The following CYSLTR1 variants were observed in gnomAD, a reference collection of about 807,000 sequenced individuals.
CYSLTR1 encodes the protein G-protein coupled receptor HG55.
A neutral mutation model predicts 2.1 loss-of-function variants in CYSLTR1; 1 was observed. The ratio of observed to expected loss-of-function variants is 0.48; its 90% CI spans 0.17 to 2.28. CYSLTR1 has a LOEUF of 2.28. Ranked by LOEUF, CYSLTR1 falls within the 30% of genes most tolerant of loss-of-function variation. The pLI is 0.26. For synonymous variants in CYSLTR1, 110 were observed against 89.6 expected, an observed-to-expected ratio of 1.23 and a Z score of -1.28; for missense variants, 299 against 250.1, an observed-to-expected ratio of 1.20 and a Z score of -1.32.
At chrX:78,274,900 C>A (rs1921506951) in intron 2 of CYSLTR1, among the ~76,000 whole-genome samples, 1 of 111,572 alleles carries the variant, frequency 9.0e-6, no homozygotes, top group African/African-American at 3.3e-5. Context: ...CAAACAACCC[C>A]ATCAAAAAGT....
chrX:78,285,826 T>C (rs1031307125), intron 1 of CYSLTR1, among the ~76,000 whole-genome samples: 2 of 112,000 alleles, frequency 1.8e-5, no homozygotes, highest in African/African-American at 3.3e-5. Context: ...TTCTCTTTCC[T>C]TTTCAGTTCC....
intron 1 of CYSLTR1, chrX:78,319,656 T>C (rs1187480791): frequency 3.6e-5 from 4 of 111,719 alleles, no homozygotes; most frequent in Admixed American, 1.9e-4. Flanking sequence ...GGTCAAATGG[T>C]ATTTCTAGTT....
At chrX:78,280,827 CAT>C (rs971592526) in intron 2 of CYSLTR1, among the ~76,000 whole-genome samples, 1 of 111,564 alleles carries the variant, frequency 9.0e-6, no homozygotes, top group Non-Finnish European at 1.9e-5. Flanking sequence ...TAAGTGAGAA[CAT>C]GTGGTATTTG....
chrX:78,304,504 CAA>C (rs1367963222), intron 1 of CYSLTR1, among the ~76,000 whole-genome samples: 22 of 111,290 alleles, frequency 2.0e-4, no homozygotes, highest in African/African-American at 7.2e-4. Flanking sequence ...TGGAATTTAA[CAA>C]AGAGTCCACC....
chrX:78,286,938 C>T (rs1451345549), intron 1 of CYSLTR1, among the ~76,000 whole-genome samples: 1 of 111,109 alleles, frequency 9.0e-6, no homozygotes, highest in Non-Finnish European at 1.9e-5. Flanking sequence ...TTTTCATGTG[C>T]TTATTTGCCA....
chrX:78,274,070 A>T (rs1358702910), intron 2 of CYSLTR1, among the ~76,000 whole-genome samples: 2 of 111,735 alleles, frequency 1.8e-5, no homozygotes, highest in African/African-American at 3.3e-5. Context: ...ATACTACTGT[A>T]GTACAATTCG....
chrX:78,274,003 T>C (rs1264279360), intron 2 of CYSLTR1, among the ~76,000 whole-genome samples: 1 of 110,920 alleles, frequency 9.0e-6, no homozygotes, highest in Non-Finnish European at 1.9e-5. Flanking sequence ...GTTTTTCTGA[T>C]GGACTTCCTC....
At chrX:78,309,326 T>C (rs1028411225) in intron 1 of CYSLTR1, among the ~76,000 whole-genome samples, 3 of 111,740 alleles carry the variant, frequency 2.7e-5, no homozygotes, top group Non-Finnish European at 5.7e-5. Flanking sequence ...TCCCATTCGA[T>C]GGTACTGAAT....
intron 1 of CYSLTR1, among the ~76,000 whole-genome samples, chrX:78,294,491 G>T (rs1193654445): frequency 8.9e-6 from 1 of 112,517 alleles, no homozygotes; most frequent in African/African-American, 3.2e-5. Flanking sequence ...ACCATGCTGG[G>T]AGAACCCCTG....
intron 2 of CYSLTR1, among the ~76,000 whole-genome samples, chrX:78,282,619 T>G (rs1323468295): frequency 2.7e-5 from 3 of 111,816 alleles, no homozygotes; most frequent in Admixed American, 9.5e-5. Context: ...ACACAGATAA[T>G]GTCAGTTGTG....
At chrX:78,307,972 G>A (rs1321845519) in intron 1 of CYSLTR1, among the ~76,000 whole-genome samples, 1 of 110,709 alleles carries the variant, frequency 9.0e-6, no homozygotes, top group African/African-American at 3.3e-5. Flanking sequence ...CTATGCCAAA[G>A]TATAGCAAAA....
intron 2 of CYSLTR1, among the ~76,000 whole-genome samples, chrX:78,282,017 C>T (rs1379962041): frequency 8.9e-6 from 1 of 112,087 alleles, no homozygotes; most frequent in African/African-American, 3.2e-5. Context: ...TCTCACTTCT[C>T]TCTTTTGTAC....
chrX:78,319,897 TG>T (rs1923571909), intron 1 of CYSLTR1: 1 of 112,357 alleles, frequency 8.9e-6, no homozygotes, highest in African/African-American at 3.2e-5. Context: ...GTCTGTTGGC[TG>T]CATAAATGTC....
At chrX:78,319,180 T>C (rs1038277007) in intron 1 of CYSLTR1, 9 of 109,265 alleles carry the variant, frequency 8.2e-5, no homozygotes, top group Non-Finnish European at 1.7e-4. Context: ...TTGTTACATA[T>C]GTATACATGT....
chrX:78,291,278 G>A (rs147122094), intron 1 of CYSLTR1, among the ~76,000 whole-genome samples: 19 of 111,536 alleles, frequency 1.7e-4, no homozygotes, highest in Non-Finnish European at 2.6e-4. Flanking sequence ...TGCATATGTC[G>A]AACCAGCCTT....
At chrX:78,312,316 A>G (rs1379145293) in intron 1 of CYSLTR1, among the ~76,000 whole-genome samples, 1 of 111,523 alleles carries the variant, frequency 9.0e-6, no homozygotes, top group Non-Finnish European at 1.9e-5. Flanking sequence ...CTATATACAA[A>G]AATTAACTGA....
intron 1 of CYSLTR1, among the ~76,000 whole-genome samples, chrX:78,312,709 A>G (rs746212108): frequency 1.2e-4 from 13 of 112,348 alleles, no homozygotes; most frequent in African/African-American, 3.9e-4. Flanking sequence ...AACAAACATA[A>G]AAAATACTCA....
chrX:78,316,221 T>A (rs1419596944), intron 1 of CYSLTR1, among the ~76,000 whole-genome samples: 1 of 112,396 alleles, frequency 8.9e-6, no homozygotes, highest in Non-Finnish European at 1.9e-5. Context: ...AGTGAAGCCA[T>A]CCCTGACTGT....
intron 1 of CYSLTR1, among the ~76,000 whole-genome samples, chrX:78,287,315 G>C (rs1352662656): frequency 8.9e-6 from 1 of 111,848 alleles, no homozygotes; most frequent in East Asian, 2.8e-4. Context: ...AAAGCTATAT[G>C]CAAAAGACCA....
Sources: gnomAD v4.1 joint callset for allele counts (sites outside exome capture counted in the v4.1 genomes callset) on GRCh38, gnomAD v4.1.1 for gene constraint, MANE v1.5 for transcripts, NCBI Gene and HGNC (gene_info 2026-07-23, HGNC 2026-07-21) for gene names.